The following DNAJC24 variants were observed in gnomAD, a reference collection of about 807,000 sequenced individuals.
DNAJC24 encodes the protein DnaJ heat shock protein family (Hsp40) member C24, also known as dnaJ homolog subfamily C member 24.
In DNAJC24, 17 loss-of-function variants were observed where a neutral mutation model predicts 18.0. That is an observed-to-expected ratio of 0.94 (90% CI 0.65 to 1.42). The LOEUF (loss-of-function observed/expected upper bound fraction) is 1.42. Among genes scored for constraint, DNAJC24 ranks in the 40% most tolerant of loss-of-function variants. DNAJC24 has a pLI of 0.00. For synonymous variants in DNAJC24, 55 were observed against 57.7 expected (o/e 0.95, Z 0.21); for missense variants, 158 against 175.6 (o/e 0.90, Z 0.57).
intron 2 of DNAJC24, among the ~76,000 whole-genome samples, chr11:31,414,121 T>C (rs1480558776): frequency 6.6e-6 from 1 of 152,330 alleles, no homozygotes; most frequent in East Asian, 1.9e-4. Context: ...AATTACTGCA[T>C]ATTGAAAACA....
At chr11:31,376,464 G>T (rs1332091550) in intron 2 of DNAJC24, among the ~76,000 whole-genome samples, 10 of 152,222 alleles carry the variant, frequency 6.6e-5, no homozygotes, top group Non-Finnish European at 1.5e-5. Context: ...AGGAAGTATA[G>T]AGTAGTAAGT....
At chr11:31,420,004 A>G (rs900606068) in intron 3 of DNAJC24, among the ~76,000 whole-genome samples, 2 of 151,958 alleles carry the variant, frequency 1.3e-5, no homozygotes, top group Non-Finnish European at 2.9e-5. Flanking sequence ...TTACATTTTG[A>G]TTGATCTAGC....
chr11:31,426,967 G>A lies in DNAJC24; in HGVS notation c.319+612G>A, dbSNP rs1387124836. On this transcript the variant is annotated intron_variant, in intron 4 of 4. Transcript: ENST00000465995. Reference sequence around the variant, plus strand: ...TTCAATGTCGTTTCCCTATTCTTCTGATGGTTCCTTGAATTGTTCTGGTTA... The same window carrying A: ...TTCAATGTCGTTTCCCTATTCTTCTAATGGTTCCTTGAATTGTTCTGGTTA... The A allele has an allele frequency of 3.3e-5, 5 of 152,116 alleles. No homozygotes were observed. The East Asian group carries it at 9.7e-4, about 29-fold the overall frequency. The allele number at this position is 152,116 out of a possible 1,614,324, so 9.4% of individuals were successfully genotyped here. A position where few individuals can be genotyped will look rare whatever the true frequency, so the allele number is the denominator to read the frequency against.
At chr11:31,370,620 C>T (rs1952218139) in intron 1 of DNAJC24, 96 bp from the exon 2 acceptor site, 3 of 526,450 alleles carry the variant, frequency 5.7e-6, no homozygotes, top group South Asian at 3.7e-5. Context: ...TCATGATTTA[C>T]TCGACTAAAT....
chr11:31,378,204 A>G (rs1335850891), intron 2 of DNAJC24, among the ~76,000 whole-genome samples: 1 of 152,114 alleles, frequency 6.6e-6, no homozygotes, highest in Non-Finnish European at 1.5e-5. Flanking sequence ...TTGTGAAAAA[A>G]AATCTAGGAG....
chr11:31,427,800 A>G (rs1481800094), intron 4 of DNAJC24: 2 of 151,640 alleles, frequency 1.3e-5, no homozygotes, highest in African/African-American at 4.8e-5. Context: ...CCTTTTAAAT[A>G]TATAACAATA....
At chr11:31,400,029 A>G (rs1952585151) in intron 2 of DNAJC24, among the ~76,000 whole-genome samples, 1 of 151,718 alleles carries the variant, frequency 6.6e-6, no homozygotes, top group East Asian at 1.9e-4. Flanking sequence ...TTCTGTTCCT[A>G]TGTTAGTTGG....
intron 2 of DNAJC24, among the ~76,000 whole-genome samples, chr11:31,381,393 A>T (rs1952375386): frequency 6.6e-6 from 1 of 152,138 alleles, no homozygotes. Flanking sequence ...GATCAAATAG[A>T]TTCTTAAACT....
intron 4 of DNAJC24, 56 bp downstream of exon 4, chr11:31,426,411 GAA>G: frequency 1.0e-6 from 1 of 984,132 alleles, no homozygotes; most frequent in African/African-American, 1.7e-5. Flanking sequence ...TTTTCTATAA[GAA>G]AAAAAAACTC....
chr11:31,429,991 C>A, intron 4 of DNAJC24: 1 of 233,470 alleles, frequency 4.3e-6, no homozygotes, highest in Non-Finnish European at 8.2e-6. Context: ...AAATAAGTTT[C>A]ATGGGTTACT....
chr11:31,382,502 AC>A (rs768065693), intron 2 of DNAJC24, among the ~76,000 whole-genome samples: 40 of 152,358 alleles, frequency 2.6e-4, no homozygotes, highest in Non-Finnish European at 5.0e-4. Flanking sequence ...ATGACATTAT[AC>A]TAATTTAACT....
chr11:31,372,828 G>C (rs1591896459), intron 2 of DNAJC24, among the ~76,000 whole-genome samples: 1 of 134,518 alleles, frequency 7.4e-6, no homozygotes, highest in East Asian at 2.0e-4. Flanking sequence ...TGTTATTTCG[G>C]CTGTCCTGTG....
intron 2 of DNAJC24, among the ~76,000 whole-genome samples, chr11:31,398,113 C>G (rs1401818321): frequency 6.6e-6 from 1 of 152,146 alleles, no homozygotes; most frequent in Non-Finnish European, 1.5e-5. Context: ...ATATGTATTT[C>G]TTGGTATCCT....
intron 2 of DNAJC24, among the ~76,000 whole-genome samples, chr11:31,391,350 T>G (rs1306241880): frequency 6.6e-6 from 1 of 152,164 alleles, no homozygotes. Context: ...AAGTCCTAGT[T>G]AGAGCAAACT....
chr11:31,383,250 T>C (rs1952395876), intron 2 of DNAJC24, among the ~76,000 whole-genome samples: 1 of 151,820 alleles, frequency 6.6e-6, no homozygotes, highest in South Asian at 2.1e-4. Flanking sequence ...TTCCTGGAGG[T>C]TGAGGGCTGG....
rs187557459 is a variant in DNAJC24 at position 31,392,838 on chromosome 11, G to A, written c.112-21973G>A. Among the ~76,000 whole-genome samples, 5 of 151,398 alleles carry A rather than the reference G, an allele frequency of 3.3e-5. No homozygotes were observed. In the East Asian group the frequency reaches 7.8e-4, roughly 24 times the overall value. On this transcript the variant is annotated intron_variant, in intron 2 of 4. Coordinates refer to ENST00000465995, the MANE Select transcript of DNAJC24 (RefSeq NM_181706.5). The stretch of plus-strand genomic sequence containing the variant: ...GATTCTCCCACCTCAGCCTCCCGAC[G>A]GGGTTTCACCATGTCAGCCAGCCTG...
intron 2 of DNAJC24, among the ~76,000 whole-genome samples, chr11:31,410,946 G>A (rs982852491): frequency 6.6e-6 from 1 of 152,132 alleles, no homozygotes; most frequent in Non-Finnish European, 1.5e-5. Context: ...ATTAATTAAT[G>A]CTTTAGATTA....
rs78788605 is a variant in DNAJC24 at position 31,411,832 on chromosome 11, T to C, written c.112-2979T>C. On this transcript the variant is annotated intron_variant, in intron 2 of 4. Transcript: ENST00000465995. The stretch of plus-strand genomic sequence containing the variant: ...TTACAGGTACCAGATATTGGGACTT[T>C]ATATATTTGGGGGCCATTATCAGCC... 1.9e-3 allele frequency among the ~76,000 whole-genome samples: 296 copies of C among 152,354 alleles called. 5 individuals carry two copies. The East Asian group carries it at 0.052, about 27-fold the overall frequency.
At chr11:31,392,240 CTA>C (rs1281105311) in intron 2 of DNAJC24, among the ~76,000 whole-genome samples, 2 of 152,084 alleles carry the variant, frequency 1.3e-5, no homozygotes, top group African/African-American at 4.8e-5. Flanking sequence ...TTAAAAATAA[CTA>C]AAAGAGTTTA....
Sources: gnomAD v4.1 joint callset for allele counts (sites outside exome capture counted in the v4.1 genomes callset) on GRCh38, gnomAD v4.1.1 for gene constraint, MANE v1.5 for transcripts, NCBI Gene and HGNC (gene_info 2026-07-23, HGNC 2026-07-21) for gene names.